Variants in LRRC4C observed in about 807,000 individuals in gnomAD.
LRRC4C encodes the protein leucine rich repeat containing 4C.
In LRRC4C, 5 loss-of-function variants were observed where a neutral mutation model predicts 33.6. That is an observed-to-expected ratio of 0.15 (90% CI 0.08 to 0.31). LRRC4C has a LOEUF of 0.31. Among genes scored for constraint, LRRC4C ranks in the 10% least tolerant of loss-of-function variants. The pLI is 1.00. For missense variants in LRRC4C, 560 were observed against 796.7 expected (o/e 0.70, Z 3.58); for synonymous variants, 329 against 302.0 (o/e 1.09, Z -0.93).
At chr11:41,230,817 G>A (rs1036707865) in intron 1 of LRRC4C, among the ~76,000 whole-genome samples, 2 of 148,514 alleles carry the variant, frequency 1.3e-5, no homozygotes, top group South Asian at 2.2e-4. Context: ...GAGTGAACAG[G>A]CAACCTACAG....
chr11:41,064,441 C>T (rs1442784533), intron 1 of LRRC4C, among the ~76,000 whole-genome samples: 2 of 152,160 alleles, frequency 1.3e-5, no homozygotes, highest in African/African-American at 2.4e-5. Context: ...AGTGTTGGTT[C>T]ATAAATGATT....
At chr11:40,640,610 TAA>T (rs1378911223) in intron 3 of LRRC4C, among the ~76,000 whole-genome samples, 4 of 152,198 alleles carry the variant, frequency 2.6e-5, no homozygotes, top group Admixed American at 2.0e-4. Context: ...TTTTTATTTC[TAA>T]GTTTCTAATA....
intron 1 of LRRC4C, among the ~76,000 whole-genome samples, chr11:40,993,484 A>C (rs2137280636): frequency 6.6e-6 from 1 of 152,296 alleles, no homozygotes; most frequent in South Asian, 2.1e-4. Flanking sequence ...GCTTATAACA[A>C]AACAGAAAAT....
intron 3 of LRRC4C, among the ~76,000 whole-genome samples, chr11:40,451,701 G>T (rs1368081795): frequency 6.6e-6 from 1 of 151,950 alleles, no homozygotes; most frequent in Non-Finnish European, 1.5e-5. Context: ...GATTTTGAGG[G>T]AAAACTATGA....
chr11:41,263,325 C>A (rs548274933), intron 1 of LRRC4C, among the ~76,000 whole-genome samples: 6 of 152,166 alleles, frequency 3.9e-5, no homozygotes. Context: ...GATTTGTGAA[C>A]AAGTGAGTAT....
chr11:40,178,023 A>C (rs1190376247), intron 5 of LRRC4C, among the ~76,000 whole-genome samples: 1 of 152,214 alleles, frequency 6.6e-6, no homozygotes, highest in African/African-American at 2.4e-5. Context: ...AGTTGTTAGA[A>C]ATGAATGCTA....
intron 4 of LRRC4C, among the ~76,000 whole-genome samples, chr11:40,261,907 G>T (rs1433880985): frequency 6.6e-6 from 1 of 152,204 alleles, no homozygotes; most frequent in East Asian, 1.9e-4. Context: ...TACCATTTAG[G>T]ACATAGGCAT....
chr11:40,374,850 AC>A (rs1326984847), intron 3 of LRRC4C, among the ~76,000 whole-genome samples: 1 of 152,150 alleles, frequency 6.6e-6, no homozygotes, highest in African/African-American at 2.4e-5. Flanking sequence ...AAAAAATAAA[AC>A]CCCAAATACT....
intron 2 of LRRC4C, among the ~76,000 whole-genome samples, chr11:40,738,214 A>C (rs1290774047): frequency 6.6e-6 from 1 of 152,150 alleles, no homozygotes; most frequent in East Asian, 1.9e-4. Context: ...TTTTGCAAAA[A>C]TTAACTCAAG....
In LRRC4C at chr11:40,665,308, T is replaced by TAA. The variant is rs55827045; in HGVS notation, c.-406-17032_-406-17031dup. Among the ~76,000 whole-genome samples the TAA allele has an allele frequency of 9.4e-3, 408 of 43,256 alleles. 4 individuals are homozygous for TAA. Among genetic ancestry groups the TAA allele is most frequent in the Non-Finnish European group, 0.014 (306 of 21,994 alleles). The allele number at this position is 43,256 out of a possible 152,430, so 28.4% of individuals were successfully genotyped here. On this transcript the variant is annotated intron_variant, in intron 2 of 6. Coordinates refer to ENST00000528697, the MANE Select transcript of LRRC4C (RefSeq NM_001258419.2). ...CAAAGCCCTGGGGTCATTGCTTTCTTAAAAAAAAAAAAAAAAAATATATAT... is the reference window on the plus strand; with the variant it reads ...CAAAGCCCTGGGGTCATTGCTTTCTTAAAAAAAAAAAAAAAAAAAATATATAT...
intron 1 of LRRC4C, among the ~76,000 whole-genome samples, chr11:41,256,487 A>G (rs556062305): frequency 5.9e-5 from 9 of 152,006 alleles, no homozygotes; most frequent in Non-Finnish European, 1.3e-4. Context: ...CACAATGCCC[A>G]TCTGTGCAGT....
chr11:41,296,265 G>C (rs1950139236), intron 1 of LRRC4C, among the ~76,000 whole-genome samples: 1 of 151,712 alleles, frequency 6.6e-6, no homozygotes, highest in Admixed American at 6.6e-5. Flanking sequence ...CTGAGTCCCT[G>C]TTTCTTTTAT....
chr11:40,812,580 A>G (rs927676012), intron 2 of LRRC4C, among the ~76,000 whole-genome samples: 4 of 152,294 alleles, frequency 2.6e-5, no homozygotes, highest in Non-Finnish European at 5.9e-5. Flanking sequence ...GATATTATGT[A>G]ATATTCTTCT....
At chr11:40,977,439 T>C (rs779557733) in intron 1 of LRRC4C, among the ~76,000 whole-genome samples, 1 of 152,158 alleles carries the variant, frequency 6.6e-6, no homozygotes, top group Non-Finnish European at 1.5e-5. Context: ...CTCTACACTA[T>C]GTATATCAAA....
At chr11:41,272,428 C>T (rs755275984) in intron 1 of LRRC4C, among the ~76,000 whole-genome samples, 2 of 152,094 alleles carry the variant, frequency 1.3e-5, no homozygotes, top group African/African-American at 2.4e-5. Flanking sequence ...GGAAACACGC[C>T]TCTGATCCCC....
chr11:41,370,071 A>G (rs1233444427), intron 1 of LRRC4C, among the ~76,000 whole-genome samples: 1 of 152,230 alleles, frequency 6.6e-6, no homozygotes, highest in African/African-American at 2.4e-5. Flanking sequence ...CCTTAGATAT[A>G]TCACATGCAT....
At chr11:41,146,062 T>C (rs1396574383) in intron 1 of LRRC4C, among the ~76,000 whole-genome samples, 1 of 152,176 alleles carries the variant, frequency 6.6e-6, no homozygotes, top group Non-Finnish European at 1.5e-5. Flanking sequence ...TATACTACAA[T>C]TAAGAGATAT....
chr11:41,052,205 C>G (rs1462217), intron 1 of LRRC4C, among the ~76,000 whole-genome samples: 4,070 of 152,170 alleles, frequency 0.027, 193 homozygotes, highest in East Asian at 0.21. Flanking sequence ...GGATAGGGAA[C>G]AAATATTACT....
chr11:40,675,311 C>A (rs1041407510), intron 2 of LRRC4C, among the ~76,000 whole-genome samples: 1 of 152,058 alleles, frequency 6.6e-6, no homozygotes, highest in African/African-American at 2.4e-5. Context: ...TCTACAATTT[C>A]AGAAGTATTC....
Sources: gnomAD v4.1 joint callset for allele counts (sites outside exome capture counted in the v4.1 genomes callset) on GRCh38, gnomAD v4.1.1 for gene constraint, MANE v1.5 for transcripts, NCBI Gene and HGNC (gene_info 2026-07-23, HGNC 2026-07-21) for gene names.